The following CSMD1 variants were observed in gnomAD, a reference collection of about 807,000 sequenced individuals.
CSMD1 encodes CUB and sushi domain-containing protein 1.
CSMD1 carries 213 observed loss-of-function variants against 417.5 expected under a neutral mutation model. The observed-to-expected ratio is 0.51, with a 90% confidence interval of 0.46 to 0.57. The LOEUF (loss-of-function observed/expected upper bound fraction) is 0.57. Among genes scored for constraint, CSMD1 ranks in the 20% least tolerant of loss-of-function variants. CSMD1 has a pLI of 0.00. For synonymous variants in CSMD1, 2,862 were observed against 1,736.8 expected (o/e 1.65, Z -16.11); for missense variants, 6,923 against 4,529.7 (o/e 1.53, Z -15.17).
rs1156543684 is a variant in CSMD1, at chr8:3,488,368, A to G, written c.1448+5255T>C. ...AGTATTTCTCCCTCCTCGGCTTCCC[A>G]AAGTTCCGGGATTATAGGCGTATAC... On this transcript the variant is annotated intron_variant, in intron 11 of 69. Transcript: ENST00000635120. Among the ~76,000 whole-genome samples, 9 of 152,090 alleles carry G rather than the reference A, an allele frequency of 5.9e-5. No homozygotes were observed. The East Asian group carries it at 1.7e-3, about 29-fold the overall frequency.
chr8:3,871,283 C>G lies in CSMD1; in HGVS notation c.819-117241G>C, dbSNP rs73661013. On this transcript the variant is annotated intron_variant, in intron 5 of 69. Transcript: ENST00000635120. ...TGCCAAATTACTCTTCAATAAAAAG[C>G]TGCACTGATTTATACTCCTACTAGT... is the stretch of plus-strand genomic sequence containing the variant. Among the ~76,000 whole-genome samples the G allele has an allele frequency of 5.0e-3, 763 of 152,068 alleles. 5 individuals are homozygous for G. The highest frequency in any genetic ancestry group is 0.017 in the African/African-American group (726 of 41,540).
At chr8:3,750,726 A>C (rs1467992575) in intron 6 of CSMD1, among the ~76,000 whole-genome samples, 3 of 152,084 alleles carry the variant, frequency 2.0e-5, no homozygotes, top group Non-Finnish European at 4.4e-5. Flanking sequence ...CTCGCAAAAA[A>C]CCAGGACAGC....
intron 5 of CSMD1, among the ~76,000 whole-genome samples, chr8:3,924,383 G>C (rs888956989): frequency 3.9e-5 from 6 of 152,130 alleles, no homozygotes; most frequent in East Asian, 1.9e-4. Context: ...TAATTCATTG[G>C]GCTTCATATA....
chr8:4,538,898 T>C (rs1057292710), intron 2 of CSMD1, among the ~76,000 whole-genome samples: 1 of 152,198 alleles, frequency 6.6e-6, no homozygotes, highest in African/African-American at 2.4e-5. Flanking sequence ...TCCCCTTTTA[T>C]GGAATCTTTG....
chr8:3,995,433 C>T (rs767759341), intron 5 of CSMD1, among the ~76,000 whole-genome samples: 1 of 152,186 alleles, frequency 6.6e-6, no homozygotes, highest in Non-Finnish European at 1.5e-5. Flanking sequence ...CATCTTTACC[C>T]CGACAGTTAC....
chr8:3,652,681 T>C (rs940705539), intron 7 of CSMD1, among the ~76,000 whole-genome samples: 1 of 152,098 alleles, frequency 6.6e-6, no homozygotes, highest in Non-Finnish European at 1.5e-5. Context: ...AGGAACAGTA[T>C]GGGGGAAACT....
intron 1 of CSMD1, among the ~76,000 whole-genome samples, chr8:4,986,691 G>A (rs1811196761): frequency 6.6e-6 from 1 of 152,072 alleles, no homozygotes; most frequent in South Asian, 2.1e-4. Flanking sequence ...TGGACAAGGA[G>A]CTTGAATCTC....
At chr8:4,775,628 G>A (rs987039644) in intron 1 of CSMD1, among the ~76,000 whole-genome samples, 13 of 152,140 alleles carry the variant, frequency 8.5e-5, no homozygotes, top group Admixed American at 8.5e-4. Context: ...GCAAACTTTA[G>A]ACAACACTTT....
In CSMD1 at chr8:3,487,413, G is replaced by C. The variant is rs185314250; in HGVS notation, c.1448+6210C>G. On this transcript the variant is annotated intron_variant, in intron 11 of 69. Coordinates refer to ENST00000635120, the MANE Select transcript of CSMD1 (RefSeq NM_033225.6). Reference sequence around the variant, plus strand: ...AGACAGGGTTTCACCATGTTAGCCAGGATGGTCTCGTTCTCCTGACCTCGT... The same window carrying C: ...AGACAGGGTTTCACCATGTTAGCCACGATGGTCTCGTTCTCCTGACCTCGT... Among the ~76,000 whole-genome samples, 5 of 152,234 alleles carry C rather than the reference G, an allele frequency of 3.3e-5. No homozygotes were observed. In the East Asian group the frequency reaches 9.7e-4, roughly 30 times the overall value.
chr8:4,280,204 A>G, intron 3 of CSMD1, among the ~76,000 whole-genome samples: 1 of 152,252 alleles, frequency 6.6e-6, no homozygotes, highest in East Asian at 1.9e-4. Context: ...AAGCAAGCAT[A>G]GGCCAATCAA....
intron 8 of CSMD1, among the ~76,000 whole-genome samples, chr8:3,589,350 C>A (rs541121525): frequency 2.0e-5 from 3 of 151,164 alleles, no homozygotes; most frequent in Admixed American, 6.6e-5. Context: ...GGGTCCAACA[C>A]TGGACTGAGA....
intron 1 of CSMD1, among the ~76,000 whole-genome samples, chr8:4,707,207 G>C (rs1325147351): frequency 2.0e-5 from 3 of 152,166 alleles, no homozygotes; most frequent in Non-Finnish European, 4.4e-5. Context: ...AGACACTGTT[G>C]TTAAAGGCTT....
intron 2 of CSMD1, among the ~76,000 whole-genome samples, chr8:4,543,712 G>C (rs1386649602): frequency 8.0e-6 from 1 of 124,744 alleles, no homozygotes; most frequent in Admixed American, 9.5e-5. Flanking sequence ...CCACACCAAA[G>C]TGTCTTCCAA....
intron 1 of CSMD1, among the ~76,000 whole-genome samples, chr8:4,954,366 C>T (rs916355373): frequency 6.6e-6 from 1 of 152,074 alleles, no homozygotes; most frequent in Admixed American, 6.6e-5. Context: ...TCTAAAGACA[C>T]ATTTTTTGTG....
intron 2 of CSMD1, among the ~76,000 whole-genome samples, chr8:4,623,621 C>T (rs1252130613): frequency 6.6e-6 from 1 of 151,928 alleles, no homozygotes; most frequent in African/African-American, 2.4e-5. Context: ...TGTGGCATAG[C>T]TGTATATTGG....
intron 5 of CSMD1, among the ~76,000 whole-genome samples, chr8:3,867,665 T>A (rs186270029): frequency 2.0e-4 from 31 of 152,276 alleles, no homozygotes; most frequent in African/African-American, 5.8e-4. Flanking sequence ...TCTTGGTTAA[T>A]CTTCACAGAA....
chr8:3,545,305 C>A (rs1047477674), intron 10 of CSMD1, among the ~76,000 whole-genome samples: 13 of 152,176 alleles, frequency 8.5e-5, no homozygotes, highest in Admixed American at 6.5e-5. Context: ...TTGCTTTTAT[C>A]CCTAGAATTC....
chr8:3,936,489 A>G (rs1810506418), intron 5 of CSMD1, among the ~76,000 whole-genome samples: 1 of 152,212 alleles, frequency 6.6e-6, no homozygotes, highest in African/African-American at 2.4e-5. Context: ...CTCATCTACC[A>G]TTACAAAAAT....
intron 3 of CSMD1, among the ~76,000 whole-genome samples, chr8:4,410,564 G>C (rs559930752): frequency 1.3e-5 from 2 of 152,214 alleles, no homozygotes; most frequent in South Asian, 2.1e-4. Flanking sequence ...GCTTATTGAA[G>C]TTCATTTTAA....
Sources: gnomAD v4.1 joint callset for allele counts (sites outside exome capture counted in the v4.1 genomes callset) on GRCh38, gnomAD v4.1.1 for gene constraint, MANE v1.5 for transcripts, NCBI Gene and HGNC (gene_info 2026-07-23, HGNC 2026-07-21) for gene names.